Variants in LAMA2 observed in about 807,000 individuals in gnomAD.
LAMA2 encodes laminin subunit alpha-2.
LAMA2 carries 269 observed loss-of-function variants against 364.8 expected under a neutral mutation model. That is an observed-to-expected ratio of 0.74 (90% CI 0.67 to 0.82). The LOEUF (loss-of-function observed/expected upper bound fraction) is 0.82. Ranked by LOEUF, LAMA2 falls within the 40% of genes least tolerant of loss-of-function variation. LAMA2 has a pLI of 0.00. For missense variants in LAMA2, 3,807 were observed against 3,873.2 expected, an observed-to-expected ratio of 0.98 and a Z score of 0.45; for synonymous variants, 1,379 against 1,370.6, an observed-to-expected ratio of 1.01 and a Z score of -0.14.
intron 1 of LAMA2, among the ~76,000 whole-genome samples, chr6:128,959,097 A>G: frequency 6.6e-6 from 1 of 152,152 alleles, no homozygotes; most frequent in East Asian, 1.9e-4. Context: ...TTTTTTGTAC[A>G]TCGTTGCCTG....
At chr6:129,510,919 G>T (rs1023419171) in intron 62 of LAMA2, among the ~76,000 whole-genome samples, 2 of 152,134 alleles carry the variant, frequency 1.3e-5, no homozygotes, top group Admixed American at 1.3e-4. Flanking sequence ...AATTCCATGT[G>T]CTATGAAAGT....
At chr6:129,170,874 T>A (rs1400444165) in intron 9 of LAMA2, among the ~76,000 whole-genome samples, 15 of 149,670 alleles carry the variant, frequency 1.0e-4, no homozygotes, top group African/African-American at 3.7e-4. Flanking sequence ...TGGGTGCATA[T>A]ATATTTAGGA....
At chr6:129,405,365 G>A (rs1466942224) in intron 40 of LAMA2, among the ~76,000 whole-genome samples, 4 of 152,206 alleles carry the variant, frequency 2.6e-5, no homozygotes, top group Middle Eastern at 3.4e-3. Context: ...TGATAAGGAG[G>A]TGTTTAATTT....
chr6:129,232,060 T>TA (rs374498625), intron 12 of LAMA2, among the ~76,000 whole-genome samples: 1 of 152,242 alleles, frequency 6.6e-6, no homozygotes, highest in African/African-American at 2.4e-5. Context: ...TATACGAAGT[T>TA]CTTTCCTTTC....
intron 51 of LAMA2, among the ~76,000 whole-genome samples, chr6:129,468,580 T>C (rs1222990348): frequency 6.6e-6 from 1 of 151,916 alleles, no homozygotes; most frequent in Non-Finnish European, 1.5e-5. Context: ...GCAAACTTCT[T>C]ACATAAAGTT....
At chr6:129,205,855 C>A (rs1011190286) in intron 12 of LAMA2, among the ~76,000 whole-genome samples, 1 of 151,708 alleles carries the variant, frequency 6.6e-6, no homozygotes, top group Non-Finnish European at 1.5e-5. Context: ...TGAAACCCCA[C>A]TCTACTAAAA....
chr6:129,483,407 T>A (rs1260462340), intron 55 of LAMA2, among the ~76,000 whole-genome samples: 3 of 152,026 alleles, frequency 2.0e-5, no homozygotes, highest in Non-Finnish European at 4.4e-5. Context: ...AATTTAAGAA[T>A]CATTATAACA....
rs868669398 is a variant in LAMA2, at chr6:128,883,793, T to C, written c.112+436T>C. On this transcript the variant is annotated intron_variant, in intron 1 of 64. Transcript: ENST00000421865. ...TGATGCATCAAAAAAAAATTATATA[T>C]ATATATATACACACACACACACACA... Among the ~76,000 whole-genome samples the C allele has an allele frequency of 2.7e-3, 337 of 125,778 alleles. 2 individuals are homozygous for C. Among genetic ancestry groups the C allele is most frequent in the South Asian group, 0.02 (90 of 4,414 alleles). The allele number at this position is 125,778 out of a possible 152,430, so 82.5% of individuals were successfully genotyped here.
intron 12 of LAMA2, among the ~76,000 whole-genome samples, chr6:129,236,819 C>T (rs1239445567): frequency 6.6e-6 from 1 of 151,948 alleles, no homozygotes; most frequent in Non-Finnish European, 1.5e-5. Context: ...TATAAGAGCA[C>T]AGTATAATTT....
chr6:129,331,979 G>C (rs1336131029), intron 29 of LAMA2, among the ~76,000 whole-genome samples: 2 of 152,134 alleles, frequency 1.3e-5, no homozygotes, highest in African/African-American at 4.8e-5. Flanking sequence ...AAATTCCATA[G>C]TGGCTCCTTC....
chr6:129,398,560 C>T (rs1301568390), intron 37 of LAMA2, among the ~76,000 whole-genome samples: 1 of 146,658 alleles, frequency 6.8e-6, no homozygotes, highest in Non-Finnish European at 1.5e-5. Flanking sequence ...ACTTTAACCT[C>T]CACCTCTCAG....
At chr6:129,082,516 C>A (rs892153381) in intron 3 of LAMA2, among the ~76,000 whole-genome samples, 5 of 152,060 alleles carry the variant, frequency 3.3e-5, no homozygotes, top group Admixed American at 6.5e-5. Context: ...TTATATATTT[C>A]TCTATTGATT....
intron 19 of LAMA2, among the ~76,000 whole-genome samples, chr6:129,290,833 T>TA (rs1195728664): frequency 3.3e-5 from 5 of 152,204 alleles, no homozygotes; most frequent in African/African-American, 1.2e-4. Context: ...AAAGATTACT[T>TA]AAATGAAATA....
intron 1 of LAMA2, among the ~76,000 whole-genome samples, chr6:129,032,988 A>G (rs1486550961): frequency 6.6e-6 from 1 of 152,110 alleles, no homozygotes; most frequent in Non-Finnish European, 1.5e-5. Flanking sequence ...GAGTAATATT[A>G]AATTTGTGAT....
At chr6:129,282,483 A>G (rs1039719046) in intron 18 of LAMA2, among the ~76,000 whole-genome samples, 5 of 152,142 alleles carry the variant, frequency 3.3e-5, no homozygotes, top group Non-Finnish European at 7.4e-5. Flanking sequence ...CCCAGCTAGA[A>G]TCAAAGTTCT....
chr6:129,373,287 A>G (rs568639757), intron 34 of LAMA2, among the ~76,000 whole-genome samples: 2 of 152,276 alleles, frequency 1.3e-5, no homozygotes, highest in African/African-American at 4.8e-5. Context: ...TAGGTCTATA[A>G]TCCATTTTTA....
intron 29 of LAMA2, among the ~76,000 whole-genome samples, chr6:129,337,649 A>G (rs1429446325): frequency 6.6e-6 from 1 of 152,094 alleles, no homozygotes; most frequent in Admixed American, 6.6e-5. Flanking sequence ...GTAATTTCTC[A>G]CCTTAGGCCT....
At position 129,250,044 on chromosome 6, in the gene LAMA2, A is replaced by C; in HGVS notation, c.1783-68A>C. ...TAGAACAATAAAATTCGTATACAAC[A>C]GTAAGTAAAATATGATTTAATAGCC... On this transcript the variant is annotated intron_variant, in intron 12 of 64. Transcript: ENST00000421865. 6 of 951,232 alleles carry C rather than the reference A, an allele frequency of 6.3e-6. 1 individual carries two copies. The South Asian group carries it at 7.7e-5, about 12-fold the overall frequency. 58.9% of individuals were successfully genotyped at this position (951,232 alleles called of 1,614,324 possible). A position where few individuals can be genotyped will look rare whatever the true frequency, so the allele number is the denominator to read the frequency against.
chr6:129,164,204 A>G (rs1779604763), intron 8 of LAMA2, among the ~76,000 whole-genome samples: 1 of 152,180 alleles, frequency 6.6e-6, no homozygotes, highest in South Asian at 2.1e-4. Context: ...GGACTAAGTG[A>G]CTAACAGGAG....
Sources: gnomAD v4.1 joint callset for allele counts (sites outside exome capture counted in the v4.1 genomes callset) on GRCh38, gnomAD v4.1.1 for gene constraint, MANE v1.5 for transcripts, NCBI Gene and HGNC (gene_info 2026-07-23, HGNC 2026-07-21) for gene names.